Variants in DNAJC15 observed in about 807,000 individuals in gnomAD.
DNAJC15 encodes DnaJ heat shock protein family (Hsp40) member C15.
Under a neutral mutation model 22.4 loss-of-function variants are expected in DNAJC15, and 27 were observed. That is an observed-to-expected ratio of 1.20 (90% CI 0.89 to 1.66). The LOEUF (loss-of-function observed/expected upper bound fraction) is 1.66, where lower values mean the gene tolerates loss of function less well. DNAJC15 is among the 40% of genes most tolerant of loss of function. DNAJC15 has a pLI of 0.00. For missense variants in DNAJC15, 208 were observed against 187.1 expected (o/e 1.11, Z -0.65); for synonymous variants, 79 against 63.2 (o/e 1.25, Z -1.19).
intron 4 of DNAJC15, among the ~76,000 whole-genome samples, chr13:43,079,836 A>T (rs980213018): frequency 1.3e-5 from 2 of 152,134 alleles, no homozygotes; most frequent in African/African-American, 2.4e-5. Flanking sequence ...TATATTTATA[A>T]AGTTTTATCC....
At position 43,034,224 on chromosome 13, in the gene DNAJC15, G is replaced by C. The variant is rs181303818; in HGVS notation, c.108+10490G>C. ...ACTTTGTGCAGCCCACATTTAAGGA[G>C]TAGAGAGTTATGCTCTCCACTCCTT... On this transcript the variant is annotated intron_variant, in intron 1 of 5. Transcript: ENST00000379221. 2.1e-3 allele frequency among the ~76,000 whole-genome samples: 307 copies of C among 145,278 alleles called. 2 individuals carry two copies. The highest frequency in any genetic ancestry group is 8.1e-3 in the African/African-American group (296 of 36,682).
chr13:43,051,550 C>T (rs768971078), intron 1 of DNAJC15, among the ~76,000 whole-genome samples: 1 of 152,070 alleles, frequency 6.6e-6, no homozygotes, highest in Admixed American at 6.6e-5. Flanking sequence ...TGAGTTACTT[C>T]GCTTAGAATA....
chr13:43,088,622 G>T (rs149060739), intron 5 of DNAJC15, among the ~76,000 whole-genome samples: 1 of 152,118 alleles, frequency 6.6e-6, no homozygotes, highest in East Asian at 1.9e-4. Flanking sequence ...TAAATATTGG[G>T]ATCAAAAACA....
chr13:43,083,543 A>G (rs1030310438), intron 4 of DNAJC15, among the ~76,000 whole-genome samples: 48 of 152,214 alleles, frequency 3.2e-4, no homozygotes, highest in African/African-American at 1.1e-3. Flanking sequence ...CTAACACAAC[A>G]TGCCAAATAC....
chr13:43,089,033 C>G (rs997767929), intron 5 of DNAJC15, among the ~76,000 whole-genome samples: 16 of 152,114 alleles, frequency 1.1e-4, no homozygotes, highest in Non-Finnish European at 5.9e-5. Flanking sequence ...GTGGCTTACT[C>G]TTCTTTATAA....
chr13:43,071,270 T>C (rs2040607319), intron 3 of DNAJC15, among the ~76,000 whole-genome samples: 1 of 152,158 alleles, frequency 6.6e-6, no homozygotes, highest in African/African-American at 2.4e-5. Context: ...TATGACCTGC[T>C]CCCTCATCTC....
At chr13:43,102,137 A>G (rs1232461815) in intron 5 of DNAJC15, among the ~76,000 whole-genome samples, 1 of 152,084 alleles carries the variant, frequency 6.6e-6, no homozygotes, top group East Asian at 1.9e-4. Flanking sequence ...GAGGAGTAAG[A>G]TGGTATGGCA....
chr13:43,099,594 A>C (rs530920985), intron 5 of DNAJC15, among the ~76,000 whole-genome samples: 1 of 152,250 alleles, frequency 6.6e-6, no homozygotes, highest in African/African-American at 2.4e-5. Flanking sequence ...TTTTCCTGAA[A>C]GTGTGTTGAA....
At chr13:43,072,322 C>T (rs575563709) in intron 3 of DNAJC15, among the ~76,000 whole-genome samples, 147 of 152,082 alleles carry the variant, frequency 9.7e-4, no homozygotes, top group African/African-American at 3.2e-3. Context: ...ACAGTTTTTT[C>T]TTTTATTATT....
intron 1 of DNAJC15, among the ~76,000 whole-genome samples, chr13:43,040,040 A>G (rs1237916664): frequency 3.5e-5 from 5 of 144,608 alleles, no homozygotes; most frequent in Non-Finnish European, 7.6e-5. Flanking sequence ...AGAGAAAAAG[A>G]AATATATACA....
At chr13:43,076,212 TGATA>T (rs1361061483) in intron 3 of DNAJC15, among the ~76,000 whole-genome samples, 2 of 152,350 alleles carry the variant, frequency 1.3e-5, no homozygotes. Context: ...ATTGATTCAT[TGATA>T]GATTAGCATC....
At chr13:43,095,357 G>A (rs1287149250) in intron 5 of DNAJC15, among the ~76,000 whole-genome samples, 1 of 152,158 alleles carries the variant, frequency 6.6e-6, no homozygotes. Context: ...ACTGAAATGG[G>A]GATGATCTAG....
At chr13:43,035,813 C>T (rs1196004845) in intron 1 of DNAJC15, among the ~76,000 whole-genome samples, 1 of 152,038 alleles carries the variant, frequency 6.6e-6, no homozygotes, top group Non-Finnish European at 1.5e-5. Context: ...CTCAATTTCC[C>T]AGGCTGAAGT....
intron 1 of DNAJC15, among the ~76,000 whole-genome samples, chr13:43,051,478 G>A (rs1250606169): frequency 1.3e-5 from 2 of 152,028 alleles, no homozygotes; most frequent in South Asian, 2.1e-4. Context: ...CTTATGCCTT[G>A]CATCCTCATA....
chr13:43,060,346 T>C (rs554890362), intron 1 of DNAJC15, among the ~76,000 whole-genome samples: 1 of 152,286 alleles, frequency 6.6e-6, no homozygotes, highest in Admixed American at 6.5e-5. Context: ...GGTGATGGCC[T>C]GGATGTGGTT....
At chr13:43,082,964 G>A (rs1566213128) in intron 4 of DNAJC15, among the ~76,000 whole-genome samples, 2 of 151,642 alleles carry the variant, frequency 1.3e-5, no homozygotes, top group Non-Finnish European at 2.9e-5. Context: ...TATTTAGAGG[G>A]CCACATGGTG....
At chr13:43,055,529 C>T (rs1025260348) in intron 1 of DNAJC15, among the ~76,000 whole-genome samples, 12 of 152,164 alleles carry the variant, frequency 7.9e-5, no homozygotes, top group African/African-American at 2.2e-4. Flanking sequence ...CTTGACTGTT[C>T]GACCAAGAGC....
rs189841225 is a variant in DNAJC15 at position 43,081,856 on chromosome 13, A to T, written c.311+3168A>T. ...GACTGGGTAATTTATAAGGAAAAAG[A>T]GGTTTAATGGACTCACAGTTCCACA... On this transcript the variant is annotated intron_variant, in intron 4 of 5. Transcript: ENST00000379221. Among the ~76,000 whole-genome samples, 587 of 152,292 alleles carry T rather than the reference A, an allele frequency of 3.9e-3. 6 individuals carry two copies. The highest frequency in any genetic ancestry group is 0.017 in the Middle Eastern group (5 of 294).
At position 43,066,070 on chromosome 13, in the gene DNAJC15, C is replaced by T. The variant is rs571178094; in HGVS notation, c.160+333C>T. Among the ~76,000 whole-genome samples the T allele has an allele frequency of 2.0e-5, 3 of 151,968 alleles. No individual in the cohort carries two copies. In the South Asian group the frequency reaches 6.2e-4, roughly 32 times the overall value. On this transcript the variant is annotated intron_variant, in intron 2 of 5. Coordinates refer to ENST00000379221, the MANE Select transcript of DNAJC15 (RefSeq NM_013238.3). The stretch of plus-strand genomic sequence containing the variant: ...AAGTGGCATGGAGTGCCTTTATTCT[C>T]CCATATTTATTTTTTCTTGCAGACA...
Sources: gnomAD v4.1 joint callset for allele counts (sites outside exome capture counted in the v4.1 genomes callset) on GRCh38, gnomAD v4.1.1 for gene constraint, MANE v1.5 for transcripts, NCBI Gene and HGNC (gene_info 2026-07-23, HGNC 2026-07-21) for gene names.